The following CAMKMT variants were observed in gnomAD, a reference collection of about 807,000 sequenced individuals.
CAMKMT encodes calmodulin-lysine N-methyltransferase.
CAMKMT carries 53 observed loss-of-function variants against 48.0 expected under a neutral mutation model. The ratio of observed to expected loss-of-function variants is 1.10; its 90% confidence interval spans 0.89 to 1.39. The LOEUF is 1.39. CAMKMT is among the 40% of genes most tolerant of loss of function. The pLI, the probability that CAMKMT is intolerant of heterozygous loss-of-function variation, is 0.00. For synonymous variants in CAMKMT, 165 were observed against 152.3 expected (o/e 1.08, Z -0.61); for missense variants, 428 against 402.7 (o/e 1.06, Z -0.54).
rs943503857 is a variant in CAMKMT at position 44,407,665 on chromosome 2, A to G, written c.376+17360A>G. Among the ~76,000 whole-genome samples the G allele has an allele frequency of 3.3e-5, 5 of 152,328 alleles. No individual in the cohort carries two copies. In the South Asian group the frequency reaches 1.0e-3, roughly 32 times the overall value. On this transcript the variant is annotated intron_variant, in intron 3 of 10. Coordinates refer to ENST00000378494, the MANE Select transcript of CAMKMT (RefSeq NM_024766.5). ...TACAGATGTTTGTTAATTAGGTAATATTTAATGCAGAAGATATGGGTTGAG... is the reference window on the plus strand; with the variant it reads ...TACAGATGTTTGTTAATTAGGTAATGTTTAATGCAGAAGATATGGGTTGAG...
At chr2:44,720,394 G>C (rs1416873927) in intron 7 of CAMKMT, among the ~76,000 whole-genome samples, 1 of 152,106 alleles carries the variant, frequency 6.6e-6, no homozygotes, top group Admixed American at 6.6e-5. Context: ...TCAGACTACT[G>C]TATTCTCTGT....
At chr2:44,546,154 G>GTCACACACACAC (rs140039567) in intron 3 of CAMKMT, among the ~76,000 whole-genome samples, 1 of 129,084 alleles carries the variant, frequency 7.7e-6, no homozygotes. Context: ...AGACTGCTAG[G>GTCACACACACAC]ACACACACAC....
At chr2:44,518,347 G>C (rs1019586841) in intron 3 of CAMKMT, among the ~76,000 whole-genome samples, 1 of 151,964 alleles carries the variant, frequency 6.6e-6, no homozygotes, top group South Asian at 2.1e-4. Flanking sequence ...ATTGGTTTCT[G>C]TACACCTTCA....
At chr2:44,515,402 C>G (rs1670785580) in intron 3 of CAMKMT, among the ~76,000 whole-genome samples, 1 of 152,144 alleles carries the variant, frequency 6.6e-6, no homozygotes, top group Non-Finnish European at 1.5e-5. Context: ...GCTCTTCAGG[C>G]TCTGGTAAGG....
intron 3 of CAMKMT, among the ~76,000 whole-genome samples, chr2:44,629,093 C>G (rs1230471461): frequency 6.6e-6 from 1 of 152,128 alleles, no homozygotes; most frequent in Non-Finnish European, 1.5e-5. Context: ...ACTTGCTCTG[C>G]CAATTACTGA....
At chr2:44,673,599 G>A (rs1193217568) in intron 3 of CAMKMT, among the ~76,000 whole-genome samples, 2 of 152,018 alleles carry the variant, frequency 1.3e-5, no homozygotes, top group African/African-American at 4.8e-5. Context: ...TTATCAAAAG[G>A]CAAAGAGGGG....
intron 2 of CAMKMT, among the ~76,000 whole-genome samples, chr2:44,385,141 C>T (rs975276042): frequency 6.6e-6 from 1 of 151,954 alleles, no homozygotes; most frequent in African/African-American, 2.4e-5. Context: ...TTGTTTGTGT[C>T]GTCTGTGATT....
intron 3 of CAMKMT, chr2:44,631,356 C>T (rs189640767): frequency 1.7e-5 from 6 of 353,808 alleles, no homozygotes; most frequent in Non-Finnish European, 2.5e-5. Context: ...ATGTAACTAA[C>T]CTGCACGTTG....
intron 3 of CAMKMT, among the ~76,000 whole-genome samples, chr2:44,444,256 T>A (rs1368802834): frequency 1.3e-5 from 2 of 152,208 alleles, no homozygotes; most frequent in Admixed American, 6.5e-5. Context: ...CAATTTAGTA[T>A]TTTTTGAGGC....
chr2:44,425,707 C>T (rs558566127), intron 3 of CAMKMT, among the ~76,000 whole-genome samples: 1 of 151,374 alleles, frequency 6.6e-6, no homozygotes, highest in Admixed American at 6.6e-5. Flanking sequence ...TGTATTATCT[C>T]TCTGGTTCTA....
intron 3 of CAMKMT, among the ~76,000 whole-genome samples, chr2:44,510,642 C>G (rs946153794): frequency 3.3e-5 from 5 of 152,128 alleles, no homozygotes; most frequent in African/African-American, 1.2e-4. Flanking sequence ...GATTCCATCG[C>G]CTACATTCTT....
intron 3 of CAMKMT, among the ~76,000 whole-genome samples, chr2:44,420,336 A>C (rs1040773096): frequency 6.6e-6 from 1 of 152,134 alleles, no homozygotes; most frequent in Non-Finnish European, 1.5e-5. Context: ...TAATCTTAGA[A>C]TCCAACCAAT....
rs1265074088 is a variant in CAMKMT, at chr2:44,375,694, A to G, written c.311+2806A>G. ...GGGTAAGAAAGAGCAAGACAGAATC[A>G]TCAGAGGCTACTGAGAAGAGGCCAT... On this transcript the variant is annotated intron_variant, in intron 2 of 10. Coordinates refer to ENST00000378494, the MANE Select transcript of CAMKMT (RefSeq NM_024766.5). Among the ~76,000 whole-genome samples, 7 of 152,302 alleles carry G rather than the reference A, an allele frequency of 4.6e-5. No individual in the cohort carries two copies. The East Asian group carries it at 1.4e-3, about 29-fold the overall frequency.
intron 3 of CAMKMT, among the ~76,000 whole-genome samples, chr2:44,555,723 A>G (rs1021099828): frequency 2.6e-5 from 4 of 152,200 alleles, no homozygotes; most frequent in African/African-American, 7.2e-5. Context: ...GGGTATATAG[A>G]CTGAAACAGA....
intron 3 of CAMKMT, among the ~76,000 whole-genome samples, chr2:44,600,931 G>T (rs548208488): frequency 6.6e-6 from 1 of 152,174 alleles, no homozygotes; most frequent in Admixed American, 6.5e-5. Flanking sequence ...CTGTACATTA[G>T]AGTGTGTCAA....
chr2:44,461,326 T>TTAAA (rs1260359907), intron 3 of CAMKMT, among the ~76,000 whole-genome samples: 1 of 152,146 alleles, frequency 6.6e-6, no homozygotes, highest in African/African-American at 2.4e-5. Flanking sequence ...AGTTTACTCA[T>TTAAA]TAAATATCTC....
At chr2:44,560,910 C>G (rs1668290371) in intron 3 of CAMKMT, among the ~76,000 whole-genome samples, 1 of 152,172 alleles carries the variant, frequency 6.6e-6, no homozygotes, top group Admixed American at 6.5e-5. Flanking sequence ...TGTTTTCCTA[C>G]TATCTTACAC....
intron 3 of CAMKMT, among the ~76,000 whole-genome samples, chr2:44,410,891 TTTAAAATGAAATG>T (rs1414985307): frequency 1.3e-5 from 2 of 152,202 alleles, no homozygotes; most frequent in Non-Finnish European, 2.9e-5. Flanking sequence ...GCAATTACTT[TTTAAAATGAAATG>T]TATCATTATG....
intron 3 of CAMKMT, among the ~76,000 whole-genome samples, chr2:44,407,036 T>C (rs1273855060): frequency 6.6e-6 from 1 of 152,220 alleles, no homozygotes; most frequent in East Asian, 1.9e-4. Context: ...GGTAATAAGA[T>C]TCATGCCCAA....
Sources: allele counts gnomAD v4.1 joint callset (sites outside exome capture counted in the v4.1 genomes callset), GRCh38; gene constraint gnomAD v4.1.1; transcripts MANE v1.5; gene names NCBI Gene and HGNC (gene_info 2026-07-23, HGNC 2026-07-21).